FBXL13: variants seen among roughly 807,000 people sequenced by gnomAD.
FBXL13 encodes the protein F-box and leucine rich repeat protein 13, also known as F-box and leucine-rich repeat protein 13.
FBXL13 carries 67 observed loss-of-function variants against 83.6 expected under a neutral mutation model. That is an observed-to-expected ratio of 0.80 (90% CI 0.66 to 0.98). The LOEUF (loss-of-function observed/expected upper bound fraction) is 0.98. FBXL13 is among the 50% of genes least tolerant of loss of function. The pLI is 0.00. For synonymous variants in FBXL13, 272 were observed against 299.5 expected (o/e 0.91, Z 0.95); for missense variants, 822 against 866.5 (o/e 0.95, Z 0.64).
At chr7:102,905,921 A>C (rs1025320266) in intron 11 of FBXL13, among the ~76,000 whole-genome samples, 1 of 152,208 alleles carries the variant, frequency 6.6e-6, no homozygotes, top group Non-Finnish European at 1.5e-5. Flanking sequence ...TATGTGTATT[A>C]GTCCGTTTTC....
rs191056610 is a variant in FBXL13 at position 102,924,113 on chromosome 7, C to T, written c.878+2161G>A. 2.4e-4 allele frequency among the ~76,000 whole-genome samples: 36 copies of T among 151,772 alleles called. 1 individual carries two copies. In the East Asian group the frequency reaches 6.7e-3, roughly 28 times the overall value. On this transcript the variant is annotated intron_variant, in intron 10 of 19. Transcript: ENST00000313221. Reference sequence around the variant, plus strand: ...ATTAGCCGGGTGTGGTGGCACATGCCTCTAATCCCAGCTACTTGGGAGGCT... The same window carrying T: ...ATTAGCCGGGTGTGGTGGCACATGCTTCTAATCCCAGCTACTTGGGAGGCT...
intron 10 of FBXL13, among the ~76,000 whole-genome samples, chr7:102,914,525 C>T (rs933574279): frequency 5.3e-5 from 8 of 152,236 alleles, no homozygotes; most frequent in Non-Finnish European, 1.0e-4. Context: ...TTCTCTGCCT[C>T]TCAAAATCAC....
chr7:102,979,040 C>T lies in FBXL13; in HGVS notation c.496-10923G>A, dbSNP rs562379109. On this transcript the variant is annotated intron_variant, in intron 6 of 19. Coordinates refer to ENST00000313221, the Ensembl canonical transcript of FBXL13. ...TGATATAAAGATAGGTAATTTTACC[C>T]TTCACTTACTTTACAAACATTTTAC... Among the ~76,000 whole-genome samples, 7 of 152,316 alleles carry T rather than the reference C, an allele frequency of 4.6e-5. No individual in the cohort carries two copies. In the South Asian group the frequency reaches 1.2e-3, roughly 27 times the overall value.
Position 102,941,788 on chromosome 7 carries a change from G to A in FBXL13, c.725-9855C>T, listed in dbSNP as rs145710200. On this transcript the variant is annotated intron_variant, in intron 8 of 19. Transcript: ENST00000313221. ...TTATAATAGTTATTATATGTCCTAA[G>A]TTAAATGTATTAAAGTAATGAGTAA... Among the ~76,000 whole-genome samples, 367 of 151,900 alleles carry A rather than the reference G, an allele frequency of 2.4e-3. 4 individuals carry two copies. The highest frequency in any genetic ancestry group is 8.6e-3 in the African/African-American group (356 of 41,450).
intron 16 of FBXL13, among the ~76,000 whole-genome samples, chr7:102,876,344 G>T (rs891077347): frequency 6.6e-6 from 1 of 152,114 alleles, no homozygotes; most frequent in Non-Finnish European, 1.5e-5. Flanking sequence ...ACATTGAGAA[G>T]ACCAGACACT....
chr7:102,994,173 A>G (rs1205296531), intron 6 of FBXL13, among the ~76,000 whole-genome samples: 2 of 152,172 alleles, frequency 1.3e-5, no homozygotes, highest in Non-Finnish European at 2.9e-5. Flanking sequence ...TTTATATGCT[A>G]TTATATAAAT....
chr7:102,883,311 C>T, exon 14 of FBXL13: 4 of 1,611,080 alleles, frequency 2.5e-6, no homozygotes, highest in Non-Finnish European at 3.4e-6. Flanking sequence ...TTACCTTACA[C>T]AATTTGCCAA....
intron 16 of FBXL13, among the ~76,000 whole-genome samples, chr7:102,864,886 G>A (rs530861146): frequency 2.0e-5 from 3 of 152,310 alleles, no homozygotes; most frequent in Non-Finnish European, 4.4e-5. Flanking sequence ...AGGAAATGGA[G>A]GCACAGAGAA....
At chr7:103,003,291 T>TTTG (rs1790616719) in intron 6 of FBXL13, among the ~76,000 whole-genome samples, 1 of 125,012 alleles carries the variant, frequency 8.0e-6, no homozygotes, top group African/African-American at 3.2e-5. Context: ...TTTTTTTTTT[T>TTTG]TTTTTTTTTT....
chr7:102,848,310 A>G (rs1804450557), intron 17 of FBXL13, among the ~76,000 whole-genome samples: 1 of 46,454 alleles, frequency 2.2e-5, no homozygotes, highest in Admixed American at 1.7e-4. Context: ...TAATCCCAGC[A>G]CTTTGGGAGG....
intron 9 of FBXL13, 75 bp from the exon 11 acceptor site, chr7:102,926,449 T>C: frequency 8.9e-7 from 1 of 1,128,438 alleles, no homozygotes; most frequent in Non-Finnish European, 1.3e-6. Context: ...CTTTCTATTA[T>C]CCCTCTTCCT....
intron 16 of FBXL13, among the ~76,000 whole-genome samples, chr7:102,858,302 G>A (rs1162047271): frequency 2.0e-5 from 3 of 152,138 alleles, no homozygotes; most frequent in East Asian, 3.8e-4. Context: ...AGGGAGGATG[G>A]GGATTGGTTG....
At position 103,028,599 on chromosome 7, in the gene FBXL13, C is replaced by A; in HGVS notation, c.217+1G>T. ...GTAATTGCTACTATGTAAGAATTTA[C>A]TTTTAAGTTTTTCTTTCTGGTCTTC... On this transcript the variant is annotated splice_donor_variant, in intron 4 of 19. Coordinates refer to ENST00000313221, the Ensembl canonical transcript of FBXL13. LOFTEE classifies it high-confidence loss of function. 1 of 1,560,778 alleles carries A rather than the reference C, an allele frequency of 6.4e-7. No homozygotes were observed. Among genetic ancestry groups the A allele is most frequent in the Non-Finnish European group, 8.6e-7 (1 of 1,158,220 alleles).
chr7:102,928,552 G>A (rs1258161613), intron 9 of FBXL13, among the ~76,000 whole-genome samples: 3 of 152,070 alleles, frequency 2.0e-5, no homozygotes, highest in Non-Finnish European at 4.4e-5. Flanking sequence ...CTCCAAAATC[G>A]GACAAGACTT....
intron 11 of FBXL13, among the ~76,000 whole-genome samples, chr7:102,904,516 T>C (rs568720854): frequency 6.6e-6 from 1 of 152,182 alleles, no homozygotes; most frequent in Admixed American, 6.5e-5. Context: ...TTTGTCAACT[T>C]TGTTTAACTT....
intron 19 of FBXL13, among the ~76,000 whole-genome samples, chr7:102,819,270 G>A (rs1422797075): frequency 6.6e-6 from 1 of 152,032 alleles, no homozygotes; most frequent in Non-Finnish European, 1.5e-5. Flanking sequence ...GTCGTTTTCT[G>A]ATCATAGTTG....
intron 17 of FBXL13, among the ~76,000 whole-genome samples, chr7:102,834,089 A>AGGAAGGAAGGAAGG (rs1291419171): frequency 4.4e-5 from 3 of 68,516 alleles, no homozygotes; most frequent in African/African-American, 1.9e-4. Flanking sequence ...AGGAAAGAAA[A>AGGAAGGAAGGAAGG]GAAAGAAAGA....
At chr7:102,954,764 T>G (rs1433635500) in intron 8 of FBXL13, among the ~76,000 whole-genome samples, 1 of 151,990 alleles carries the variant, frequency 6.6e-6, no homozygotes, top group African/African-American at 2.4e-5. Context: ...AAAACAGACT[T>G]TAAACCAACA....
At chr7:102,997,924 T>G (rs780384900) in intron 6 of FBXL13, among the ~76,000 whole-genome samples, 55 of 152,202 alleles carry the variant, frequency 3.6e-4, no homozygotes, top group African/African-American at 1.3e-3. Flanking sequence ...TCTTTTGGAT[T>G]TATACTCAGC....
Sources: gnomAD v4.1 joint callset for allele counts (sites outside exome capture counted in the v4.1 genomes callset) on GRCh38, gnomAD v4.1.1 for gene constraint, MANE v1.5 for transcripts, NCBI Gene and HGNC (gene_info 2026-07-23, HGNC 2026-07-21) for gene names.